The following LRRC7 variants were observed in gnomAD, a reference collection of about 807,000 sequenced individuals.
The protein encoded by LRRC7 is leucine rich repeat containing 7.
A neutral mutation model predicts 175.7 loss-of-function variants in LRRC7; 23 were observed. The ratio of observed to expected loss-of-function variants is 0.13; its 90% CI spans 0.09 to 0.19. The LOEUF (loss-of-function observed/expected upper bound fraction) is 0.19. Among genes scored for constraint, LRRC7 ranks in the 10% least tolerant of loss-of-function variants. The pLI is 1.00. For synonymous variants in LRRC7, 685 were observed against 680.9 expected (o/e 1.01, Z -0.09); for missense variants, 1,354 against 1,904.7 (o/e 0.71, Z 5.38).
chr1:69,762,667 A>C (rs970703691), intron 3 of LRRC7, among the ~76,000 whole-genome samples: 1 of 152,064 alleles, frequency 6.6e-6, no homozygotes, highest in African/African-American at 2.4e-5. Context: ...TAATGCATTG[A>C]TAAGATAATT....
In LRRC7 at chr1:70,065,179, A is replaced by G. The variant is rs192498844; in HGVS notation, c.4231-10898A>G. 1.6e-3 allele frequency among the ~76,000 whole-genome samples: 244 copies of G among 152,110 alleles called. 2 individuals carry two copies. In the East Asian group the frequency reaches 0.021, roughly 13 times the overall value. Reference sequence around the variant, plus strand: ...ACAGGGTACCTTGCATAGGTGATACACTAAACTATGTAGTAAACTGTAATA... The same window carrying G: ...ACAGGGTACCTTGCATAGGTGATACGCTAAACTATGTAGTAAACTGTAATA... On this transcript the variant is annotated intron_variant, in intron 23 of 26. Coordinates refer to ENST00000651989, the MANE Select transcript of LRRC7 (RefSeq NM_001370785.2).
intron 7 of LRRC7, among the ~76,000 whole-genome samples, chr1:69,854,291 A>T (rs1683333245): frequency 6.6e-6 from 1 of 152,092 alleles, no homozygotes. Context: ...TCAGGTCAGG[A>T]GTTTGAGACT....
chr1:70,050,834 A>G (rs765943023), intron 22 of LRRC7, among the ~76,000 whole-genome samples: 5 of 152,052 alleles, frequency 3.3e-5, no homozygotes, highest in Non-Finnish European at 7.4e-5. Context: ...ATTGTTTTTA[A>G]TGATCTTTCT....
chr1:69,733,070 C>G (rs756182700), intron 2 of LRRC7, among the ~76,000 whole-genome samples: 1 of 151,934 alleles, frequency 6.6e-6, no homozygotes, highest in Non-Finnish European at 1.5e-5. Context: ...ATTTTCTTAT[C>G]TATTTAAGAC....
At chr1:69,769,478 T>C (rs1439461762) in intron 3 of LRRC7, among the ~76,000 whole-genome samples, 2 of 152,194 alleles carry the variant, frequency 1.3e-5, no homozygotes, top group Non-Finnish European at 2.9e-5. Flanking sequence ...CAGGTCATAG[T>C]CAAAACTTAG....
At chr1:69,596,560 T>A (rs2100978477) in intron 1 of LRRC7, among the ~76,000 whole-genome samples, 1 of 152,370 alleles carries the variant, frequency 6.6e-6, no homozygotes, top group African/African-American at 2.4e-5. Context: ...ACCTGTTTTA[T>A]AACTAAATTG....
At chr1:70,097,514 G>C (rs1398461377) in intron 25 of LRRC7, among the ~76,000 whole-genome samples, 1 of 151,270 alleles carries the variant, frequency 6.6e-6, no homozygotes, top group African/African-American at 2.4e-5. Flanking sequence ...ACATTGTTCT[G>C]GTTAGTTACA....
intron 2 of LRRC7, among the ~76,000 whole-genome samples, chr1:69,683,209 C>A (rs1335734130): frequency 2.6e-5 from 4 of 152,068 alleles, no homozygotes; most frequent in Admixed American, 6.6e-5. Context: ...TCATACATTT[C>A]TTCCCCTTTT....
chr1:69,934,448 C>A, intron 8 of LRRC7, among the ~76,000 whole-genome samples: 1 of 123,386 alleles, frequency 8.1e-6, no homozygotes. Flanking sequence ...GCAATTATCC[C>A]CAGAATATAT....
chr1:70,121,272 A>G (rs1310841455), intron 26 of LRRC7, among the ~76,000 whole-genome samples: 3 of 152,094 alleles, frequency 2.0e-5, no homozygotes, highest in African/African-American at 7.2e-5. Flanking sequence ...AATAAAAAAT[A>G]TTTCTCTAAT....
At chr1:69,967,434 C>T (rs1651775301) in intron 8 of LRRC7, among the ~76,000 whole-genome samples, 2 of 152,138 alleles carry the variant, frequency 1.3e-5, no homozygotes, top group South Asian at 4.1e-4. Context: ...ACCTGTTTCT[C>T]CCCATACTGC....
Position 70,101,822 on chromosome 1 carries a change from T to C in LRRC7, c.4546-5930T>C, listed in dbSNP as rs145101107. ...TATGTGGCTCATCCAGCTAGCCCTC[T>C]CTAGATTAGCTTTGGTTCAAACCTA... On this transcript the variant is annotated intron_variant, in intron 25 of 26. Coordinates refer to ENST00000651989, the MANE Select transcript of LRRC7 (RefSeq NM_001370785.2). Among the ~76,000 whole-genome samples the C allele has an allele frequency of 9.6e-4, 147 of 152,334 alleles. 1 individual carries two copies. Among genetic ancestry groups the C allele is most frequent in the East Asian group, 2.3e-3 (12 of 5,180 alleles).
At position 70,128,569 on chromosome 1, in the gene LRRC7, C is replaced by T. The variant is rs1666540434; in HGVS notation, c.*6682C>T. The T allele has an allele frequency of 6.6e-6, 1 of 151,980 alleles. No homozygotes were observed. The highest frequency in any genetic ancestry group is 2.4e-5 in the African/African-American group (1 of 41,350). The allele number at this position is 151,980 out of a possible 1,614,324, so 9.4% of individuals were successfully genotyped here. ...ATTTACTGTAGCTGAATCTCTGAGGCCTAAAGTATATTATTCATAAACTGA... is the reference window on the plus strand; with the variant it reads ...ATTTACTGTAGCTGAATCTCTGAGGTCTAAAGTATATTATTCATAAACTGA... On this transcript the variant is annotated 3_prime_UTR_variant, in exon 27 of 27. Coordinates refer to ENST00000651989, the MANE Select transcript of LRRC7 (RefSeq NM_001370785.2).
intron 1 of LRRC7, among the ~76,000 whole-genome samples, chr1:69,644,002 A>C (rs2100445654): frequency 6.6e-6 from 1 of 152,286 alleles, no homozygotes; most frequent in Admixed American, 6.5e-5. Context: ...ATGTAGCAAA[A>C]TTTGTGGGAT....
intron 24 of LRRC7, among the ~76,000 whole-genome samples, chr1:70,078,605 A>C (rs369880653): frequency 6.6e-6 from 1 of 152,042 alleles, no homozygotes; most frequent in Non-Finnish European, 1.5e-5. Context: ...CAAGAAAGAG[A>C]TACTAGGACT....
At chr1:70,018,893 T>A in intron 15 of LRRC7, 75 bp downstream of exon 15, 1 of 1,095,392 alleles carries the variant, frequency 9.1e-7, no homozygotes, top group South Asian at 1.4e-5. Flanking sequence ...TTCAGATCTC[T>A]GGCCAGGAGT....
intron 1 of LRRC7, among the ~76,000 whole-genome samples, chr1:69,573,488 G>GA: frequency 6.6e-6 from 1 of 151,950 alleles, no homozygotes; most frequent in East Asian, 1.9e-4. Flanking sequence ...ATTCATTCAC[G>GA]ACAGAAATTT....
chr1:69,583,441 C>A (rs900610992), intron 1 of LRRC7, among the ~76,000 whole-genome samples: 1 of 152,060 alleles, frequency 6.6e-6, no homozygotes, highest in South Asian at 2.1e-4. Flanking sequence ...CTCCTACTTT[C>A]AAGGGTAACA....
At chr1:69,680,131 C>CA (rs1277949430) in intron 2 of LRRC7, among the ~76,000 whole-genome samples, 1 of 152,042 alleles carries the variant, frequency 6.6e-6, no homozygotes, top group African/African-American at 2.4e-5. Context: ...GCAGCAGCAG[C>CA]ATCTGGGAAC....
Sources: allele counts gnomAD v4.1 joint callset (sites outside exome capture counted in the v4.1 genomes callset), GRCh38; gene constraint gnomAD v4.1.1; transcripts MANE v1.5; gene names NCBI Gene and HGNC (gene_info 2026-07-23, HGNC 2026-07-21).